SOHLH2: variants seen among roughly 807,000 people sequenced by gnomAD.
SOHLH2 encodes spermatogenesis and oogenesis specific basic helix-loop-helix 2.
In SOHLH2, 22 loss-of-function variants were observed where a neutral mutation model predicts 50.4. That is an observed-to-expected ratio of 0.44 (90% CI 0.31 to 0.62). The LOEUF (loss-of-function observed/expected upper bound fraction) is 0.62. SOHLH2 is among the 20% of genes least tolerant of loss of function. The pLI, the probability that SOHLH2 is intolerant of heterozygous loss-of-function variation, is 0.08. For synonymous variants in SOHLH2, 185 were observed against 187.3 expected (o/e 0.99, Z 0.10); for missense variants, 412 against 504.4 (o/e 0.82, Z 1.76).
chr13:36,196,661 A>G (rs1175354463), intron 2 of SOHLH2, among the ~76,000 whole-genome samples: 1 of 152,238 alleles, frequency 6.6e-6, no homozygotes, highest in African/African-American at 2.4e-5. Flanking sequence ...TTGCTTTTAG[A>G]AATCTTCCTA....
rs529723734 is a variant in SOHLH2 at position 36,193,631 on chromosome 13, G to A, written c.420C>T (p.Pro140=). The change falls in exon 4 of 11, where the codon CCC becomes CCT. Residue 140 remains proline (P), a synonymous_variant. Transcript: ENST00000379881. ...SNVVKYWTTC[P]SNTVKTENAT... ...AAATTTTTTACTCACCAGTGTTTGA[G>A]GGACATGTTGTCCAGTATTTTACCA... The A allele has an allele frequency of 2.1e-5, 34 of 1,601,358 alleles. No individual in the cohort carries two copies. The Admixed American group carries it at 4.6e-4, about 22-fold the overall frequency.
chr13:36,191,809 A>G lies in SOHLH2; in HGVS notation c.516T>C (p.Thr172=). The G allele has an allele frequency of 6.2e-7, 1 of 1,613,948 alleles. No individual in the cohort carries two copies. The highest frequency in any genetic ancestry group is 1.3e-5 in the African/African-American group (1 of 75,048). ...SYSEHLGYFP[T]DLFACSESLR... is the part of the protein sequence containing the mutation. Reference sequence around the variant, plus strand: ...AAAAAACTAACCAGGCAAATAGATCAGTAGGAAAATATCCCAGGTGTTCGC... The same window carrying G: ...AAAAAACTAACCAGGCAAATAGATCGGTAGGAAAATATCCCAGGTGTTCGC... The change falls in exon 5 of 11, where the codon ACT becomes ACC. Residue 172 remains threonine, a synonymous_variant. Transcript: ENST00000379881.
chr13:36,211,807 C>G (rs1869140967), intron 1 of SOHLH2, among the ~76,000 whole-genome samples: 1 of 152,124 alleles, frequency 6.6e-6, no homozygotes. Context: ...CCGAACTGAG[C>G]ACAAAGAACA....
chr13:36,188,531 A>AT (rs1488847480), intron 6 of SOHLH2, among the ~76,000 whole-genome samples: 1 of 152,150 alleles, frequency 6.6e-6, no homozygotes, highest in Non-Finnish European at 1.5e-5. Flanking sequence ...CAATGAAATT[A>AT]TTTTTGCCAA....
chr13:36,177,615 A>G (rs1250368895), intron 6 of SOHLH2, among the ~76,000 whole-genome samples: 2 of 152,114 alleles, frequency 1.3e-5, no homozygotes, highest in Admixed American at 1.3e-4. Flanking sequence ...TTTCTGGGGC[A>G]TACACAGTAG....
At chr13:36,192,376 C>T (rs750096152) in intron 4 of SOHLH2, among the ~76,000 whole-genome samples, 17 of 152,240 alleles carry the variant, frequency 1.1e-4, no homozygotes, top group Middle Eastern at 3.4e-3. Flanking sequence ...GGGCAGGTGA[C>T]GAGCAGCTGC....
intron 1 of SOHLH2, 103 bp downstream of exon 1, chr13:36,214,376 T>C: frequency 7.2e-7 from 1 of 1,387,156 alleles, no homozygotes; most frequent in Non-Finnish European, 9.9e-7. Context: ...TCCCCGACAA[T>C]GAGAGCTCCC....
intron 6 of SOHLH2, among the ~76,000 whole-genome samples, chr13:36,183,464 A>C (rs1887315494): frequency 6.6e-6 from 1 of 152,200 alleles, no homozygotes; most frequent in Non-Finnish European, 1.5e-5. Context: ...ACAGCTAAAA[A>C]GTCAATGAAA....
At chr13:36,214,437 G>A (rs533606053) in intron 1 of SOHLH2, 42 bp downstream of exon 1, 5 of 1,601,968 alleles carry the variant, frequency 3.1e-6, no homozygotes, top group African/African-American at 2.7e-5. Context: ...GCCCGCCCGC[G>A]AGGTTATAAA....
At chr13:36,186,207 T>C (rs978134123) in intron 6 of SOHLH2, among the ~76,000 whole-genome samples, 1 of 151,846 alleles carries the variant, frequency 6.6e-6, no homozygotes, top group African/African-American at 2.4e-5. Flanking sequence ...TCTTACTAGA[T>C]AGAGAAAAAA....
Position 36,170,806 on chromosome 13 carries a change from C to G in SOHLH2, c.1001-19G>C. The G allele has an allele frequency of 6.2e-7, 1 of 1,607,186 alleles. No individual in the cohort carries two copies. The highest frequency in any genetic ancestry group is 8.5e-7 in the Non-Finnish European group (1 of 1,175,310). ...GATGGAACTTTAATGAGAAAGAAAA[C>G]AAATATGGGTCAGTATCCACAATTC... On this transcript the variant is annotated intron_variant, in intron 9 of 10. Coordinates refer to ENST00000379881, the MANE Select transcript of SOHLH2 (RefSeq NM_017826.3).
intron 2 of SOHLH2, among the ~76,000 whole-genome samples, chr13:36,199,952 G>A (rs1397560514): frequency 1.3e-5 from 2 of 152,190 alleles, no homozygotes; most frequent in Non-Finnish European, 2.9e-5. Flanking sequence ...TATACACCCA[G>A]CTTGGCACAT....
At chr13:36,199,720 C>G (rs1196437274) in intron 2 of SOHLH2, among the ~76,000 whole-genome samples, 1 of 152,194 alleles carries the variant, frequency 6.6e-6, no homozygotes, top group Non-Finnish European at 1.5e-5. Context: ...AAGAAATTCT[C>G]TCCTCTAACC....
chr13:36,180,741 T>A (rs1323347340), intron 6 of SOHLH2, among the ~76,000 whole-genome samples: 1 of 152,070 alleles, frequency 6.6e-6, no homozygotes, highest in Non-Finnish European at 1.5e-5. Flanking sequence ...GAACACATCT[T>A]TATTAATTCA....
chr13:36,169,112 A>G, intron 10 of SOHLH2, 58 bp from the exon 11 acceptor site: 1 of 1,565,734 alleles, frequency 6.4e-7, no homozygotes, highest in Non-Finnish European at 8.6e-7. Context: ...CTTACTCATA[A>G]TGTCATGATT....
intron 5 of SOHLH2, among the ~76,000 whole-genome samples, chr13:36,191,012 C>T (rs1177916644): frequency 1.3e-5 from 2 of 152,134 alleles, no homozygotes; most frequent in Non-Finnish European, 2.9e-5. Flanking sequence ...ATCATCAGTA[C>T]GCATGCCCTC....
intron 6 of SOHLH2, among the ~76,000 whole-genome samples, chr13:36,175,823 C>T (rs756184428): frequency 5.9e-5 from 9 of 152,022 alleles, no homozygotes; most frequent in Non-Finnish European, 1.0e-4. Context: ...GGGGGTGTCT[C>T]GGGAACTATT....
Position 36,168,620 on chromosome 13 carries a change from A to G in SOHLH2, c.*414T>C, listed in dbSNP as rs561061507. On this transcript the variant is annotated 3_prime_UTR_variant, in exon 11 of 11. Coordinates refer to ENST00000379881, the MANE Select transcript of SOHLH2 (RefSeq NM_017826.3). ...ATTCACAGGGATACTAAAAATAAGA[A>G]TCAAGTTGTAATATCTGTACTCAGT... The G allele has an allele frequency of 1.6e-5, 3 of 188,686 alleles. No individual in the cohort carries two copies. In the South Asian group the frequency reaches 5.8e-4, roughly 37 times the overall value. 11.7% of individuals were successfully genotyped at this position (188,686 alleles called of 1,614,324 possible).
intron 1 of SOHLH2, among the ~76,000 whole-genome samples, chr13:36,206,125 C>T (rs77706449): frequency 0.035 from 5,273 of 151,928 alleles, 115 homozygotes; most frequent in South Asian, 0.11. Context: ...TAGCCACATG[C>T]GGCTATTTAA....
Sources: allele counts gnomAD v4.1 joint callset (sites outside exome capture counted in the v4.1 genomes callset), GRCh38; gene constraint gnomAD v4.1.1; transcripts MANE v1.5; gene names NCBI Gene and HGNC (gene_info 2026-07-23, HGNC 2026-07-21).